KLHL3: variants seen among roughly 807,000 people sequenced by gnomAD.
The protein encoded by KLHL3 is kelch-like protein 3.
In KLHL3, 19 loss-of-function variants were observed where a neutral mutation model predicts 70.5. That is an observed-to-expected ratio of 0.27 (90% CI 0.19 to 0.40). The LOEUF (loss-of-function observed/expected upper bound fraction) is 0.40, where lower values mean the gene tolerates loss of function less well. Ranked by LOEUF, KLHL3 falls within the 10% of genes least tolerant of loss-of-function variation. KLHL3 has a pLI of 1.00. For missense variants in KLHL3, 512 were observed against 771.1 expected, an observed-to-expected ratio of 0.66 and a Z score of 3.98; for synonymous variants, 258 against 290.3, an observed-to-expected ratio of 0.89 and a Z score of 1.13.
intron 3 of KLHL3, 37 bp downstream of exon 3, chr5:137,709,713 C>A (rs1752756470): frequency 6.6e-7 from 1 of 1,511,036 alleles, no homozygotes; most frequent in East Asian, 2.3e-5. Flanking sequence ...GGGCTGCAGC[C>A]CCATAACCAT....
intron 1 of KLHL3, among the ~76,000 whole-genome samples, chr5:137,731,699 G>A (rs1173112861): frequency 6.6e-6 from 1 of 152,038 alleles, no homozygotes; most frequent in Admixed American, 6.5e-5. Flanking sequence ...CTCTCAAGCA[G>A]GGGCATCTCT....
chr5:137,637,253 G>T, intron 11 of KLHL3, 41 bp downstream of exon 11: 1 of 1,551,492 alleles, frequency 6.4e-7, no homozygotes, highest in Non-Finnish European at 8.9e-7. Context: ...AAGGCCCGTG[G>T]GCCAGGTAGG....
intron 8 of KLHL3, among the ~76,000 whole-genome samples, chr5:137,646,823 G>C (rs572595156): frequency 1.6e-4 from 24 of 152,108 alleles, no homozygotes; most frequent in Non-Finnish European, 2.8e-4. Context: ...TATCTTTCAA[G>C]GTAACCCTGA....
chr5:137,670,081 G>T (rs959646572), intron 6 of KLHL3, among the ~76,000 whole-genome samples: 1 of 152,198 alleles, frequency 6.6e-6, no homozygotes. Flanking sequence ...ACGCAGTGGC[G>T]TGGGAGGCAA....
intron 2 of KLHL3, among the ~76,000 whole-genome samples, chr5:137,717,762 GAA>G (rs1451609210): frequency 6.6e-6 from 1 of 151,348 alleles, no homozygotes; most frequent in African/African-American, 2.4e-5. Flanking sequence ...TTTTACAAAA[GAA>G]AAATTAAAAG....
At chr5:137,732,040 G>GTC (rs1274661129) in intron 1 of KLHL3, among the ~76,000 whole-genome samples, 1 of 152,036 alleles carries the variant, frequency 6.6e-6, no homozygotes, top group Non-Finnish European at 1.5e-5. Flanking sequence ...TTTACTTTCT[G>GTC]TCTCTATGAA....
intron 6 of KLHL3, among the ~76,000 whole-genome samples, chr5:137,675,744 C>T (rs1751869277): frequency 6.6e-6 from 1 of 152,186 alleles, no homozygotes; most frequent in Non-Finnish European, 1.5e-5. Flanking sequence ...AGAAAACTTT[C>T]TATGATCTCA....
At chr5:137,634,742 G>A (rs1434985554) in intron 11 of KLHL3, among the ~76,000 whole-genome samples, 1 of 152,184 alleles carries the variant, frequency 6.6e-6, no homozygotes, top group African/African-American at 2.4e-5. Flanking sequence ...TTTTTCTGCA[G>A]ACTACCCTGT....
At chr5:137,632,625 C>T (rs1175847643) in intron 12 of KLHL3, among the ~76,000 whole-genome samples, 2 of 152,020 alleles carry the variant, frequency 1.3e-5, no homozygotes, top group Non-Finnish European at 2.9e-5. Context: ...AGATGCCAAA[C>T]GGAAAGTGCA....
chr5:137,715,240 T>C (rs1414507153), intron 2 of KLHL3, among the ~76,000 whole-genome samples: 2 of 152,224 alleles, frequency 1.3e-5, no homozygotes, highest in East Asian at 1.9e-4. Flanking sequence ...TCATGAATTG[T>C]GTGATTCATA....
chr5:137,637,491 G>T (rs909480039), intron 10 of KLHL3, 96 bp from the exon 11 acceptor site: 7 of 1,025,480 alleles, frequency 6.8e-6, no homozygotes, highest in Admixed American at 1.9e-5. Flanking sequence ...AAATGCATGG[G>T]CTGGAAACCT....
chr5:137,706,175 T>G (rs750487309), intron 3 of KLHL3: 198 of 985,322 alleles, frequency 2.0e-4, no homozygotes, highest in Non-Finnish European at 2.3e-4. Flanking sequence ...TAAAAACATT[T>G]AAGCTTGAGT....
chr5:137,629,102 C>T (rs1336603125), intron 12 of KLHL3: 1 of 152,168 alleles, frequency 6.6e-6, no homozygotes, highest in African/African-American at 2.4e-5. Flanking sequence ...AGATCACTCA[C>T]CGTGTTGATC....
intron 2 of KLHL3, among the ~76,000 whole-genome samples, chr5:137,720,080 T>A (rs573643184): frequency 6.6e-6 from 1 of 152,222 alleles, no homozygotes; most frequent in African/African-American, 2.4e-5. Context: ...GGCAGGCAGA[T>A]CACAAGGTCA....
At chr5:137,733,299 A>G (rs1055557280) in intron 1 of KLHL3, among the ~76,000 whole-genome samples, 4 of 152,222 alleles carry the variant, frequency 2.6e-5, no homozygotes, top group African/African-American at 9.6e-5. Context: ...CTGATATCCA[A>G]AGATGAGGCT....
At chr5:137,720,350 G>A in intron 2 of KLHL3, 115 bp downstream of exon 2, 1 of 1,247,468 alleles carries the variant, frequency 8.0e-7, no homozygotes, top group Non-Finnish European at 1.1e-6. Context: ...ACTAAGAATG[G>A]ATGGAAAGAG....
intron 8 of KLHL3, among the ~76,000 whole-genome samples, chr5:137,654,226 T>C (rs1050335702): frequency 6.6e-6 from 1 of 152,214 alleles, no homozygotes; most frequent in African/African-American, 2.4e-5. Context: ...CTCTAAAAAG[T>C]GTGAATTTTA....
rs1750845536 is a variant in KLHL3 at position 137,639,136 on chromosome 5, C to T, written c.1036G>A (p.Ala346Thr). ...RRCRAGVVFM[A>T]GHVYAVGGFN... The stretch of plus-strand genomic sequence containing the variant: ...CCTCCCACGGCATACACGTGGCCAG[C>T]CATGAACACCACACCTGAGGCACAG... Residue 346 changes from alanine to threonine, a missense_variant, in exon 10 of 15, where the codon GCT becomes ACT. Physicochemically the swap from Ala to Thr is moderately conservative, Grantham distance 58 (BLOSUM62 0). Transcript: ENST00000309755. The surrounding 1 kb of genome is among the most constrained non-coding windows in gnomAD (Gnocchi z 5.0). The T allele has an allele frequency of 1.2e-6, 2 of 1,613,724 alleles. No homozygotes were observed. Among genetic ancestry groups the T allele is most frequent in the Non-Finnish European group, 1.7e-6 (2 of 1,179,798 alleles).
intron 1 of KLHL3, chr5:137,724,953 T>C (rs1308597183): frequency 2.9e-6 from 2 of 679,738 alleles, no homozygotes; most frequent in Non-Finnish European, 3.6e-6. Context: ...TGCATGCATG[T>C]ACATAAATGC....
Sources: allele counts gnomAD v4.1 joint callset (sites outside exome capture counted in the v4.1 genomes callset), GRCh38; gene constraint gnomAD v4.1.1; non-coding constraint Gnocchi (gnomAD v3.1); transcripts MANE v1.5; gene names NCBI Gene and HGNC (gene_info 2026-07-23, HGNC 2026-07-21).